PTPRM: variants seen among roughly 807,000 people sequenced by gnomAD.
PTPRM encodes the protein protein tyrosine phosphatase receptor type M, also known as receptor-type tyrosine-protein phosphatase mu.
PTPRM carries 47 observed loss-of-function variants against 186.7 expected under a neutral mutation model. That is an observed-to-expected ratio of 0.25 (90% CI 0.20 to 0.32). The LOEUF (loss-of-function observed/expected upper bound fraction) is 0.32, where lower values mean the gene tolerates loss of function less well. Among genes scored for constraint, PTPRM ranks in the 10% least tolerant of loss-of-function variants. PTPRM has a pLI of 1.00. For synonymous variants in PTPRM, 668 were observed against 674.9 expected, an observed-to-expected ratio of 0.99 and a Z score of 0.16; for missense variants, 1,494 against 1,865.0, an observed-to-expected ratio of 0.80 and a Z score of 3.66.
At chr18:7,727,872 G>A (rs1426371227) in intron 1 of PTPRM, among the ~76,000 whole-genome samples, 1 of 152,196 alleles carries the variant, frequency 6.6e-6, no homozygotes, top group Non-Finnish European at 1.5e-5. Flanking sequence ...ACTAGGCCAG[G>A]TGCTTTACAA....
chr18:8,372,060 T>C (rs2095666097), intron 24 of PTPRM, among the ~76,000 whole-genome samples: 1 of 64,370 alleles, frequency 1.6e-5, no homozygotes, highest in African/African-American at 4.9e-5. Context: ...TATATTCTTT[T>C]TTTTTTTTTT....
chr18:8,049,620 A>G (rs1009406926), intron 7 of PTPRM, among the ~76,000 whole-genome samples: 4 of 152,038 alleles, frequency 2.6e-5, no homozygotes, highest in African/African-American at 9.7e-5. Context: ...CTTGATGGTT[A>G]CAGAATGCAG....
intron 1 of PTPRM, among the ~76,000 whole-genome samples, chr18:7,581,645 T>A (rs1294655475): frequency 6.6e-6 from 1 of 151,840 alleles, no homozygotes; most frequent in Non-Finnish European, 1.5e-5. Context: ...TGTGTGTGCA[T>A]GTTTCATTTA....
chr18:8,315,939 T>C (rs1358336017), intron 21 of PTPRM, among the ~76,000 whole-genome samples: 1 of 152,188 alleles, frequency 6.6e-6, no homozygotes, highest in Non-Finnish European at 1.5e-5. Flanking sequence ...ACCAAAACCA[T>C]ACCCTCTCCA....
intron 32 of PTPRM, among the ~76,000 whole-genome samples, chr18:8,396,938 C>T (rs1321286810): frequency 6.6e-6 from 1 of 152,148 alleles, no homozygotes; most frequent in Admixed American, 6.5e-5. Context: ...GTGTTGATAC[C>T]TCTGTATGTT....
rs115998116 is a variant in PTPRM at position 8,081,391 on chromosome 18, C to T, written c.1552-4280C>T. Among the ~76,000 whole-genome samples the T allele has an allele frequency of 4.5e-3, 684 of 152,294 alleles. 5 individuals are homozygous for T. Among genetic ancestry groups the T allele is most frequent in the African/African-American group, 0.016 (646 of 41,554 alleles). ...CTTACATCCAACACTGCTGCAGCAA[C>T]GTTTTTTACAGAGGCTTCATTACAG... On this transcript the variant is annotated intron_variant, in intron 9 of 32. Transcript: ENST00000580170.
chr18:8,197,134 G>A (rs1166589803), intron 14 of PTPRM, among the ~76,000 whole-genome samples: 1 of 152,230 alleles, frequency 6.6e-6, no homozygotes, highest in East Asian at 1.9e-4. Context: ...TTGAGTGTGT[G>A]AGTGAACAGC....
intron 1 of PTPRM, among the ~76,000 whole-genome samples, chr18:7,615,872 G>A (rs2037790096): frequency 6.6e-6 from 1 of 152,116 alleles, no homozygotes; most frequent in Admixed American, 6.6e-5. Context: ...CCATCTTGGG[G>A]TGATAGGAGA....
intron 7 of PTPRM, among the ~76,000 whole-genome samples, chr18:7,964,525 C>T (rs979702609): frequency 1.3e-5 from 2 of 152,146 alleles, no homozygotes; most frequent in African/African-American, 4.8e-5. Context: ...ATTACATATG[C>T]TAATGCAGGA....
intron 14 of PTPRM, among the ~76,000 whole-genome samples, chr18:8,234,157 T>G (rs959480511): frequency 2.0e-5 from 3 of 152,192 alleles, no homozygotes; most frequent in African/African-American, 7.2e-5. Flanking sequence ...AATAAGTTTC[T>G]AGGATTTTGA....
At chr18:8,373,372 T>G (rs2095675421) in intron 24 of PTPRM, among the ~76,000 whole-genome samples, 1 of 152,214 alleles carries the variant, frequency 6.6e-6, no homozygotes, top group Non-Finnish European at 1.5e-5. Flanking sequence ...AATTCCTGCT[T>G]TGCATCTGAT....
intron 31 of PTPRM, among the ~76,000 whole-genome samples, chr18:8,391,453 C>G (rs757743222): frequency 6.6e-6 from 1 of 152,220 alleles, no homozygotes; most frequent in Non-Finnish European, 1.5e-5. Context: ...GGGTGATTCT[C>G]ACACAGACAA....
intron 2 of PTPRM, among the ~76,000 whole-genome samples, chr18:7,868,088 C>G (rs1167989921): frequency 6.6e-6 from 1 of 152,102 alleles, no homozygotes; most frequent in African/African-American, 2.4e-5. Context: ...TTCTAGTTAT[C>G]AATTCATCTA....
intron 4 of PTPRM, among the ~76,000 whole-genome samples, chr18:7,914,098 TAAG>T (rs1159362247): frequency 6.6e-6 from 1 of 152,140 alleles, no homozygotes; most frequent in East Asian, 1.9e-4. Context: ...GTGATTGAAA[TAAG>T]AATAACAGTG....
intron 4 of PTPRM, among the ~76,000 whole-genome samples, chr18:7,918,612 A>G (rs1045006367): frequency 1.3e-5 from 2 of 152,160 alleles, no homozygotes; most frequent in Non-Finnish European, 2.9e-5. Context: ...GTGAATCTGA[A>G]GACAGCTACT....
chr18:8,063,252 C>T (rs531318779), intron 7 of PTPRM, among the ~76,000 whole-genome samples: 3 of 150,262 alleles, frequency 2.0e-5, no homozygotes, highest in East Asian at 3.9e-4. Context: ...TTCTTTGACT[C>T]GGAAAGGGAA....
intron 22 of PTPRM, among the ~76,000 whole-genome samples, chr18:8,327,699 G>A (rs2095386509): frequency 6.6e-6 from 1 of 152,174 alleles, no homozygotes; most frequent in Admixed American, 6.5e-5. Flanking sequence ...CAACATCTCT[G>A]ACTATTTCTG....
At chr18:8,102,316 C>T (rs1268435306) in intron 11 of PTPRM, among the ~76,000 whole-genome samples, 2 of 152,150 alleles carry the variant, frequency 1.3e-5, no homozygotes, top group Admixed American at 6.5e-5. Flanking sequence ...CTTTGCTTTT[C>T]GCAAAAGATT....
intron 7 of PTPRM, among the ~76,000 whole-genome samples, chr18:8,029,028 G>A (rs920142586): frequency 1.2e-4 from 19 of 152,196 alleles, no homozygotes; most frequent in African/African-American, 4.6e-4. Flanking sequence ...CCAGGGCTGG[G>A]CCTTCCCTAT....
Sources: allele counts gnomAD v4.1 joint callset (sites outside exome capture counted in the v4.1 genomes callset), GRCh38; gene constraint gnomAD v4.1.1; transcripts MANE v1.5; gene names NCBI Gene and HGNC (gene_info 2026-07-23, HGNC 2026-07-21).